DAB1: variants seen among roughly 807,000 people sequenced by gnomAD.
DAB1 encodes the protein disabled homolog 1.
In DAB1, 15 loss-of-function variants were observed where a neutral mutation model predicts 64.6. That is an observed-to-expected ratio of 0.23 (90% CI 0.16 to 0.36). DAB1 has a LOEUF of 0.36. Among genes scored for constraint, DAB1 ranks in the 10% least tolerant of loss-of-function variants. The probability of loss-of-function intolerance (pLI) is 1.00; values close to 1 mark genes in which losing one functional copy is unlikely to be tolerated. For missense variants in DAB1, 596 were observed against 706.7 expected (o/e 0.84, Z 1.78); for synonymous variants, 235 against 251.9 (o/e 0.93, Z 0.64).
At chr1:57,890,012 AAC>A (rs143391969) in intron 5 of DAB1, among the ~76,000 whole-genome samples, 4 of 152,152 alleles carry the variant, frequency 2.6e-5, no homozygotes, top group Non-Finnish European at 4.4e-5. Context: ...GTGAAGAGGA[AAC>A]ACAGAATACA....
chr1:57,121,157 G>GAGGAGGAGGAGGAGGAGA lies in DAB1; in HGVS notation c.306+15385_306+15386insTCTCCTCCTCCTCCTCCT, dbSNP rs1553145028. Among the ~76,000 whole-genome samples, 8 of 140,896 alleles carry GAGGAGGAGGAGGAGGAGA rather than the reference G, an allele frequency of 5.7e-5. No individual in the cohort carries two copies. The South Asian group carries it at 7.3e-4, about 13-fold the overall frequency. 92.4% of individuals were successfully genotyped at this position (140,896 alleles called of 152,430 possible). On this transcript the variant is annotated intron_variant, in intron 4 of 14. Coordinates refer to ENST00000371236, the MANE Select transcript of DAB1 (RefSeq NM_001365792.1). ...GAAGAAGAAGGAGGAGGAGGAGGAG[G>GAGGAGGAGGAGGAGGAGA]AGGAGGAGAAGGAGGAGAAGGAGAA... is the stretch of plus-strand genomic sequence containing the variant.
At chr1:57,176,124 G>A (rs1228226994) in intron 2 of DAB1, among the ~76,000 whole-genome samples, 1 of 152,126 alleles carries the variant, frequency 6.6e-6, no homozygotes, top group African/African-American at 2.4e-5. Context: ...TAGGATGGGG[G>A]TATTCTCAGC....
chr1:58,037,962 T>C (rs568067043), intron 5 of DAB1, among the ~76,000 whole-genome samples: 2 of 152,298 alleles, frequency 1.3e-5, no homozygotes, highest in East Asian at 3.9e-4. Flanking sequence ...CCTGTTGATC[T>C]ACTCACTAAT....
intron 7 of DAB1, among the ~76,000 whole-genome samples, chr1:57,551,212 T>G (rs144895174): frequency 2.4e-4 from 37 of 152,298 alleles, no homozygotes; most frequent in African/African-American, 7.9e-4. Context: ...GCAGAAGGTG[T>G]GCCACCTATT....
rs147667945 is a variant in DAB1 at position 57,623,979 on chromosome 1, G to T, written n.625+25613C>A. On this transcript the variant is annotated intron_variant and non_coding_transcript_variant, in intron 7 of 20. Coordinates refer to the DAB1 transcript ENST00000485760. Reference sequence around the variant, plus strand: ...ATGCTTCTCTCCTCCACTGAAGCAGGCTATGAAGACTTTGGGCTTTCATGC... The same window carrying T: ...ATGCTTCTCTCCTCCACTGAAGCAGTCTATGAAGACTTTGGGCTTTCATGC... Among the ~76,000 whole-genome samples the T allele has an allele frequency of 1.2e-4, 18 of 152,276 alleles. No homozygotes were observed. In the East Asian group the frequency reaches 3.3e-3, roughly 28 times the overall value.
intron 7 of DAB1, among the ~76,000 whole-genome samples, chr1:57,546,560 C>A (rs1468174979): frequency 6.6e-6 from 1 of 152,144 alleles, no homozygotes; most frequent in Non-Finnish European, 1.5e-5. Flanking sequence ...ATCCCCTTTA[C>A]AGAACAGTTT....
chr1:57,304,332 TC>T (rs1023405106), intron 1 of DAB1, among the ~76,000 whole-genome samples: 1 of 46,648 alleles, frequency 2.1e-5, no homozygotes, highest in African/African-American at 8.1e-5. Context: ...CCCCACACCC[TC>T]CCCCGCTTCC....
At chr1:57,639,804 G>C (rs1487835560) in intron 7 of DAB1, among the ~76,000 whole-genome samples, 1 of 152,156 alleles carries the variant, frequency 6.6e-6, no homozygotes, top group Non-Finnish European at 1.5e-5. Flanking sequence ...TTCAGAGACA[G>C]AATCAACAAG....
At chr1:57,468,179 T>C (rs1286904137) in intron 7 of DAB1, among the ~76,000 whole-genome samples, 2 of 152,184 alleles carry the variant, frequency 1.3e-5, no homozygotes, top group African/African-American at 4.8e-5. Flanking sequence ...CAATAGTGCT[T>C]GGCATATAGG....
intron 4 of DAB1, among the ~76,000 whole-genome samples, chr1:57,115,542 AAAGT>A (rs1033082862): frequency 2.6e-5 from 4 of 152,238 alleles, no homozygotes; most frequent in African/African-American, 9.6e-5. Context: ...TGTCACTGAG[AAAGT>A]GAGTTCTTAA....
intron 3 of DAB1, among the ~76,000 whole-genome samples, chr1:58,474,929 T>G (rs1029210613): frequency 2.3e-4 from 35 of 152,328 alleles, no homozygotes; most frequent in African/African-American, 7.9e-4. Flanking sequence ...CTCACGGGGT[T>G]GCTGTGAAGA....
intron 5 of DAB1, among the ~76,000 whole-genome samples, chr1:58,110,448 C>G (rs1322467005): frequency 6.6e-6 from 1 of 152,164 alleles, no homozygotes; most frequent in African/African-American, 2.4e-5. Flanking sequence ...CTCTTATTTA[C>G]TGAGCACCTA....
chr1:57,816,431 C>T (rs1189268132), intron 6 of DAB1, among the ~76,000 whole-genome samples: 2 of 152,194 alleles, frequency 1.3e-5, no homozygotes, highest in African/African-American at 4.8e-5. Flanking sequence ...ACACACAGCT[C>T]ATATGAATTA....
At chr1:58,188,200 T>C (rs934916967) in intron 4 of DAB1, among the ~76,000 whole-genome samples, 2 of 152,196 alleles carry the variant, frequency 1.3e-5, no homozygotes, top group Admixed American at 6.5e-5. Context: ...TAAGCCACCA[T>C]ACTCAGCCAG....
chr1:57,301,973 C>T (rs1673700213), intron 1 of DAB1, among the ~76,000 whole-genome samples: 1 of 152,166 alleles, frequency 6.6e-6, no homozygotes, highest in Non-Finnish European at 1.5e-5. Context: ...CACTGATAAC[C>T]TATTTTTCTT....
intron 7 of DAB1, among the ~76,000 whole-genome samples, chr1:57,551,734 G>A (rs1222240643): frequency 2.6e-5 from 4 of 152,160 alleles, no homozygotes; most frequent in Non-Finnish European, 5.9e-5. Flanking sequence ...GCCTCCGGGA[G>A]TTTGCATAAG....
intron 4 of DAB1, among the ~76,000 whole-genome samples, chr1:57,094,832 G>A (rs1654011345): frequency 6.6e-6 from 1 of 152,084 alleles, no homozygotes; most frequent in African/African-American, 2.4e-5. Flanking sequence ...AAGTCAGGAG[G>A]TAGGGTTCTG....
rs1646823023 is a variant in DAB1 at position 57,695,371 on chromosome 1, A to AG, written n.552-45707dup. The stretch of plus-strand genomic sequence containing the variant: ...AAGAAAGAAAAGAAAGAAGAAAGAA[A>AG]GAAAGAAAGAAAGAAAGAAAGAAAG... On this transcript the variant is annotated intron_variant and non_coding_transcript_variant, in intron 6 of 20. Coordinates refer to the DAB1 transcript ENST00000485760. 1.0e-4 allele frequency among the ~76,000 whole-genome samples: 6 copies of AG among 59,702 alleles called. 1 individual carries two copies. Among genetic ancestry groups the AG allele is most frequent in the Admixed American group, 5.5e-4 (3 of 5,418 alleles). 39.2% of individuals were successfully genotyped at this position (59,702 alleles called of 152,430 possible).
chr1:57,017,470 C>G lies in DAB1; in HGVS notation c.896-2039G>C, dbSNP rs181911873. On this transcript the variant is annotated intron_variant, in intron 11 of 14. Coordinates refer to ENST00000371236, the MANE Select transcript of DAB1 (RefSeq NM_001365792.1). ...AATGCAGGGTGCCTCACTCCATGCT[C>G]AAGTCACAGATGTACCCGCCTTCAT... Among the ~76,000 whole-genome samples the G allele has an allele frequency of 2.0e-4, 30 of 152,252 alleles. 1 individual carries two copies. Among genetic ancestry groups the G allele is most frequent in the African/African-American group, 7.2e-4 (30 of 41,562 alleles).
Sources: allele counts gnomAD v4.1 joint callset (sites outside exome capture counted in the v4.1 genomes callset), GRCh38; gene constraint gnomAD v4.1.1; transcripts MANE v1.5; gene names NCBI Gene and HGNC (gene_info 2026-07-23, HGNC 2026-07-21).